Variants in KIAA1217 observed in about 807,000 individuals in gnomAD.
KIAA1217 encodes the protein sickle tail protein homolog.
A neutral mutation model predicts 163.9 loss-of-function variants in KIAA1217; 88 were observed. The ratio of observed to expected loss-of-function variants is 0.54; its 90% confidence interval spans 0.45 to 0.64. The LOEUF (loss-of-function observed/expected upper bound fraction) is 0.64. Among genes scored for constraint, KIAA1217 ranks in the 30% least tolerant of loss-of-function variants. The probability of loss-of-function intolerance (pLI) is 0.00; values close to 1 mark genes in which losing one functional copy is unlikely to be tolerated. For missense variants in KIAA1217, 2,372 were observed against 2,475.0 expected, an observed-to-expected ratio of 0.96 and a Z score of 0.88; for synonymous variants, 903 against 923.1, an observed-to-expected ratio of 0.98 and a Z score of 0.39.
At chr10:24,190,889 A>C (rs915139996) in intron 2 of KIAA1217, among the ~76,000 whole-genome samples, 3 of 101,930 alleles carry the variant, frequency 2.9e-5, no homozygotes, top group African/African-American at 8.5e-5. Context: ...TGGGTTTGTC[A>C]TGCTTAAAAA....
chr10:23,767,729 C>A (rs1834605888), intron 1 of KIAA1217, among the ~76,000 whole-genome samples: 1 of 152,040 alleles, frequency 6.6e-6, no homozygotes, highest in Admixed American at 6.6e-5. Context: ...TGCATGGGGG[C>A]AGGGTTTTAG....
intron 2 of KIAA1217, among the ~76,000 whole-genome samples, chr10:24,376,150 T>C: frequency 6.6e-6 from 1 of 152,254 alleles, no homozygotes; most frequent in East Asian, 1.9e-4. Context: ...TGTTCAACTA[T>C]GTTGCATACA....
intron 1 of KIAA1217, among the ~76,000 whole-genome samples, chr10:24,002,009 GCCGTGAGTTGGGCA>G (rs1168626392): frequency 1.3e-5 from 2 of 152,156 alleles, no homozygotes; most frequent in African/African-American, 4.8e-5. Flanking sequence ...CAGTAGTTCA[GCCGTGAGTTGGGCA>G]TTGGATCCCT....
chr10:23,800,087 G>A (rs1295442255), intron 1 of KIAA1217, among the ~76,000 whole-genome samples: 2 of 151,934 alleles, frequency 1.3e-5, no homozygotes, highest in African/African-American at 4.8e-5. Context: ...ACAGACCACC[G>A]ACCTTGCACC....
intron 2 of KIAA1217, among the ~76,000 whole-genome samples, chr10:24,355,823 A>G (rs1377195604): frequency 1.6e-5 from 2 of 126,830 alleles, no homozygotes; most frequent in Non-Finnish European, 3.1e-5. Flanking sequence ...ATCTCGGCTC[A>G]CTGCAACCTC....
chr10:24,157,000 T>A (rs2064907085), intron 2 of KIAA1217, among the ~76,000 whole-genome samples: 1 of 152,228 alleles, frequency 6.6e-6, no homozygotes, highest in Non-Finnish European at 1.5e-5. Context: ...AGTACACTTT[T>A]AAACACTCAT....
intron 1 of KIAA1217, among the ~76,000 whole-genome samples, chr10:23,816,248 G>A (rs1837307421): frequency 6.6e-6 from 1 of 152,050 alleles, no homozygotes; most frequent in Non-Finnish European, 1.5e-5. Context: ...GATCCTTAGG[G>A]GAAGTAGTTT....
chr10:23,965,845 A>G (rs868576813), intron 1 of KIAA1217, among the ~76,000 whole-genome samples: 2 of 152,186 alleles, frequency 1.3e-5, no homozygotes, highest in Admixed American at 6.5e-5. Context: ...GGGTCTCTGC[A>G]GAGTTTGCCA....
chr10:24,355,262 C>A (rs2048942565), intron 2 of KIAA1217, among the ~76,000 whole-genome samples: 1 of 152,210 alleles, frequency 6.6e-6, no homozygotes, highest in African/African-American at 2.4e-5. Context: ...ATGCTAACAT[C>A]TGTCACATTG....
At chr10:24,306,062 CTT>C (rs2041975829) in intron 2 of KIAA1217, among the ~76,000 whole-genome samples, 2 of 152,248 alleles carry the variant, frequency 1.3e-5, no homozygotes. Context: ...GAGTTAGTCT[CTT>C]ATTAACATTT....
At chr10:24,096,644 T>C (rs2062174384) in intron 2 of KIAA1217, among the ~76,000 whole-genome samples, 1 of 152,174 alleles carries the variant, frequency 6.6e-6, no homozygotes, top group African/African-American at 2.4e-5. Flanking sequence ...CTTCCAGACC[T>C]GCAGCAAATT....
At chr10:24,043,846 A>T (rs369027277) in intron 2 of KIAA1217, among the ~76,000 whole-genome samples, 45 of 152,250 alleles carry the variant, frequency 3.0e-4, no homozygotes, top group East Asian at 1.7e-3. Context: ...GACCTGTGAG[A>T]TCATTTTTAA....
intron 1 of KIAA1217, among the ~76,000 whole-genome samples, chr10:23,999,418 C>G (rs1278874055): frequency 6.6e-6 from 1 of 152,132 alleles, no homozygotes; most frequent in Non-Finnish European, 1.5e-5. Flanking sequence ...AGGGAACCAC[C>G]ACTGCCATCT....
At chr10:23,784,724 A>G (rs1013323329) in intron 1 of KIAA1217, among the ~76,000 whole-genome samples, 8 of 152,192 alleles carry the variant, frequency 5.3e-5, no homozygotes, top group Non-Finnish European at 1.5e-5. Context: ...ATAACATATA[A>G]AAACTCTACA....
chr10:24,185,505 C>G (rs562941430), intron 2 of KIAA1217, among the ~76,000 whole-genome samples: 15 of 152,116 alleles, frequency 9.9e-5, no homozygotes, highest in Non-Finnish European at 1.8e-4. Flanking sequence ...TTTAAAGAAT[C>G]AACTCTTGGC....
rs563386535 is a variant in KIAA1217 at position 24,455,205 on chromosome 10, C to T, written c.846+16726C>T. On this transcript the variant is annotated intron_variant, in intron 5 of 20. Transcript: ENST00000376454. Reference sequence around the variant, plus strand: ...TCAGTATCACTTTGAGACTAGAGCACAAAAAATGAGTCAGATGTGGAATTT... The same window carrying T: ...TCAGTATCACTTTGAGACTAGAGCATAAAAAATGAGTCAGATGTGGAATTT... Among the ~76,000 whole-genome samples the T allele has an allele frequency of 2.3e-3, 356 of 152,110 alleles. 1 individual carries two copies. The highest frequency in any genetic ancestry group is 7.1e-3 in the Admixed American group (108 of 15,280).
chr10:24,397,829 A>G (rs967548857), intron 3 of KIAA1217, among the ~76,000 whole-genome samples: 8 of 152,164 alleles, frequency 5.3e-5, no homozygotes, highest in Non-Finnish European at 1.0e-4. Context: ...TCACACCTGT[A>G]GCTACAGCTG....
intron 2 of KIAA1217, among the ~76,000 whole-genome samples, chr10:24,314,068 G>T (rs1010182728): frequency 3.9e-5 from 6 of 151,966 alleles, no homozygotes; most frequent in African/African-American, 1.5e-4. Flanking sequence ...TTGAACTCCT[G>T]ACTGAACATC....
At chr10:24,025,160 G>C (rs1847887812) in intron 2 of KIAA1217, among the ~76,000 whole-genome samples, 1 of 151,608 alleles carries the variant, frequency 6.6e-6, no homozygotes, top group Non-Finnish European at 1.5e-5. Flanking sequence ...CTTACATTTA[G>C]GTCTGTAATC....
Sources: gnomAD v4.1 joint callset for allele counts (sites outside exome capture counted in the v4.1 genomes callset) on GRCh38, gnomAD v4.1.1 for gene constraint, MANE v1.5 for transcripts, NCBI Gene and HGNC (gene_info 2026-07-23, HGNC 2026-07-21) for gene names.